CSMD1: variants seen among roughly 807,000 people sequenced by gnomAD.
The protein encoded by CSMD1 is CUB and Sushi multiple domains 1.
Under a neutral mutation model 417.5 loss-of-function variants are expected in CSMD1, and 213 were observed. The ratio of observed to expected loss-of-function variants is 0.51; its 90% CI spans 0.46 to 0.57. The LOEUF (loss-of-function observed/expected upper bound fraction) is 0.57, where lower values mean the gene tolerates loss of function less well. Among genes scored for constraint, CSMD1 ranks in the 20% least tolerant of loss-of-function variants. The probability of loss-of-function intolerance (pLI) is 0.00; values close to 1 mark genes in which losing one functional copy is unlikely to be tolerated. For synonymous variants in CSMD1, 2,862 were observed against 1,736.8 expected (o/e 1.65, Z -16.11); for missense variants, 6,923 against 4,529.7 (o/e 1.53, Z -15.17).
At chr8:3,236,813 T>A (rs1399028515) in intron 26 of CSMD1, among the ~76,000 whole-genome samples, 1 of 152,210 alleles carries the variant, frequency 6.6e-6, no homozygotes. Flanking sequence ...GAAAACATTT[T>A]CAGTTGCATC....
At chr8:4,682,537 C>G (rs1423992753) in intron 1 of CSMD1, among the ~76,000 whole-genome samples, 1 of 151,616 alleles carries the variant, frequency 6.6e-6, no homozygotes, top group Admixed American at 6.6e-5. Flanking sequence ...AGAAAAAAAT[C>G]CAATTAGAAC....
chr8:4,688,320 T>C (rs1806520827), intron 1 of CSMD1, among the ~76,000 whole-genome samples: 2 of 152,152 alleles, frequency 1.3e-5, no homozygotes, highest in African/African-American at 4.8e-5. Flanking sequence ...GGGCTTGGGA[T>C]GCAGGTCAAG....
chr8:4,081,586 A>G (rs1285702222), intron 3 of CSMD1, among the ~76,000 whole-genome samples: 1 of 152,174 alleles, frequency 6.6e-6, no homozygotes, highest in Non-Finnish European at 1.5e-5. Context: ...AGAACACTAT[A>G]CCCAACCACT....
intron 5 of CSMD1, among the ~76,000 whole-genome samples, chr8:3,877,557 G>GA (rs528070726): frequency 6.6e-6 from 1 of 152,074 alleles, no homozygotes. Flanking sequence ...AAAGGCCAGA[G>GA]AAAAAAATGA....
At chr8:4,566,964 G>T (rs1003890704) in intron 2 of CSMD1, among the ~76,000 whole-genome samples, 1 of 152,020 alleles carries the variant, frequency 6.6e-6, no homozygotes, top group Non-Finnish European at 1.5e-5. Context: ...GACTTTAGCA[G>T]TCTCTGGAGA....
chr8:4,780,156 C>G (rs1052482356), intron 1 of CSMD1, among the ~76,000 whole-genome samples: 1 of 152,162 alleles, frequency 6.6e-6, no homozygotes, highest in Admixed American at 6.5e-5. Flanking sequence ...ATTGGCCAGA[C>G]CTTCAGCATC....
At chr8:3,525,602 G>C (rs1180002672) in intron 10 of CSMD1, among the ~76,000 whole-genome samples, 1 of 152,120 alleles carries the variant, frequency 6.6e-6, no homozygotes, top group Non-Finnish European at 1.5e-5. Context: ...GTCACTAGGA[G>C]GGCATCGTAT....
intron 9 of CSMD1, among the ~76,000 whole-genome samples, chr8:3,580,534 G>C (rs115763648): frequency 0.017 from 2,591 of 152,228 alleles, 79 homozygotes; most frequent in African/African-American, 0.058. Context: ...TAGAGTATGA[G>C]AGTAGTATAA....
intron 3 of CSMD1, among the ~76,000 whole-genome samples, chr8:4,203,755 G>A (rs1009420121): frequency 2.6e-5 from 4 of 152,066 alleles, no homozygotes; most frequent in Admixed American, 2.0e-4. Context: ...TATACATATA[G>A]ACATTTGCAT....
chr8:4,288,423 C>G (rs1052678736), intron 3 of CSMD1, among the ~76,000 whole-genome samples: 6 of 152,176 alleles, frequency 3.9e-5, no homozygotes, highest in Admixed American at 6.5e-5. Flanking sequence ...TTCACACAAA[C>G]TCAGGAAATT....
At chr8:3,581,623 G>A (rs958563042) in intron 9 of CSMD1, among the ~76,000 whole-genome samples, 1 of 152,112 alleles carries the variant, frequency 6.6e-6, no homozygotes, top group African/African-American at 2.4e-5. Flanking sequence ...AGTCCTTCCT[G>A]GATGCACCTC....
chr8:3,854,172 A>T (rs1018666750), intron 5 of CSMD1, among the ~76,000 whole-genome samples: 1 of 144,250 alleles, frequency 6.9e-6, no homozygotes, highest in African/African-American at 2.6e-5. Context: ...AAAAAAAAAA[A>T]CACGTCTTGG....
chr8:3,522,538 T>C (rs115153503), intron 10 of CSMD1, among the ~76,000 whole-genome samples: 3,032 of 152,220 alleles, frequency 0.02, 78 homozygotes, highest in South Asian at 0.071. Flanking sequence ...GCCCCCTGAG[T>C]TATAAGTACT....
At chr8:4,131,673 C>A (rs1401654706) in intron 3 of CSMD1, among the ~76,000 whole-genome samples, 1 of 150,484 alleles carries the variant, frequency 6.6e-6, no homozygotes, top group Non-Finnish European at 1.5e-5. Flanking sequence ...GTTAGATAGA[C>A]TTCATTTATT....
chr8:4,650,782 C>T (rs1426103910), intron 1 of CSMD1, among the ~76,000 whole-genome samples: 1 of 152,078 alleles, frequency 6.6e-6, no homozygotes, highest in Non-Finnish European at 1.5e-5. Context: ...TCAGTTTCAT[C>T]TAGATTCTAT....
chr8:3,044,822 G>C (rs931723505), intron 50 of CSMD1, among the ~76,000 whole-genome samples: 2 of 152,132 alleles, frequency 1.3e-5, no homozygotes, highest in African/African-American at 4.8e-5. Context: ...TTGAGATTCA[G>C]TGTACTGATC....
At chr8:4,493,491 T>A (rs1186887406) in intron 2 of CSMD1, among the ~76,000 whole-genome samples, 1 of 151,654 alleles carries the variant, frequency 6.6e-6, no homozygotes, top group Admixed American at 6.6e-5. Context: ...AGTCCAGGAG[T>A]TCAAGAACAC....
chr8:4,165,919 T>TAC (rs1025220630), intron 3 of CSMD1, among the ~76,000 whole-genome samples: 1 of 152,194 alleles, frequency 6.6e-6, no homozygotes, highest in African/African-American at 2.4e-5. Context: ...GATATATATA[T>TAC]ACTGGATAAA....
In CSMD1 at chr8:4,910,379, T is replaced by C. The variant is rs562694584; in HGVS notation, c.85+83953A>G. Among the ~76,000 whole-genome samples the C allele has an allele frequency of 3.9e-5, 6 of 152,348 alleles. No individual in the cohort carries two copies. In the South Asian group the frequency reaches 6.2e-4, roughly 16 times the overall value. On this transcript the variant is annotated intron_variant, in intron 1 of 69. Transcript: ENST00000635120. The stretch of plus-strand genomic sequence containing the variant: ...GGCTGCTATAAAAAATACTATAAAC[T>C]GGATTGCTTATAAACAATAGAAATT...
Sources: gnomAD v4.1 joint callset for allele counts (sites outside exome capture counted in the v4.1 genomes callset) on GRCh38, gnomAD v4.1.1 for gene constraint, MANE v1.5 for transcripts, NCBI Gene and HGNC (gene_info 2026-07-23, HGNC 2026-07-21) for gene names.